Variants in SART1 observed in about 807,000 individuals in gnomAD.
SART1 encodes spliceosome associated factor 1, recruiter of U4/U6.U5 tri-snRNP.
In SART1, 28 loss-of-function variants were observed where a neutral mutation model predicts 105.0. That is an observed-to-expected ratio of 0.27 (90% CI 0.20 to 0.37). The LOEUF (loss-of-function observed/expected upper bound fraction) is 0.37. SART1 is among the 10% of genes least tolerant of loss of function. The probability of loss-of-function intolerance (pLI) is 1.00; values close to 1 mark genes in which losing one functional copy is unlikely to be tolerated. For missense variants in SART1, 894 were observed against 1,106.5 expected, an observed-to-expected ratio of 0.81 and a Z score of 2.72; for synonymous variants, 472 against 462.9, an observed-to-expected ratio of 1.02 and a Z score of -0.25.
rs145104842 is a variant in SART1, at chr11:65,978,592, G to A, written c.2173-8G>A. On this transcript the variant is annotated splice_region_variant and splice_polypyrimidine_tract_variant and intron_variant, in intron 17 of 19. Transcript: ENST00000312397. The surrounding 1 kb of genome is among the most constrained non-coding windows in gnomAD (Gnocchi z 6.8). ...CCCTGCATCTCCTCTCATGCCCCGC[G>A]TCCCCAGGCTTTCCGGCAGCTGTCG... 2,107 of 1,555,894 alleles carry A rather than the reference G, an allele frequency of 1.4e-3. 1 individual carries two copies. Among genetic ancestry groups the A allele is most frequent in the Non-Finnish European group, 1.6e-3 (1,868 of 1,149,654 alleles).
intron 3 of SART1, 175 bp from the exon 4 acceptor site, chr11:65,964,917 T>C: frequency 1.3e-6 from 1 of 794,870 alleles, no homozygotes; most frequent in South Asian, 2.2e-5. Context: ...CCTGTTGTGC[T>C]GCATGGGTTG....
At position 65,967,701 on chromosome 11, in the gene SART1, G is replaced by A. The variant is rs763641883; in HGVS notation, c.1452G>A (p.Pro484=). Residue 484 remains proline (P), a synonymous_variant, in exon 12 of 20, where the codon CCG becomes CCA. Transcript: ENST00000312397. ...SDEEEGGAPP[P]GSPQVLEEDE... Reference sequence around the variant, plus strand: ...CAGAGGAAGGTGGAGCTCCACCGCCGGGGTCCCCGCAGGTGCTGGAGGAGG... The same window carrying A: ...CAGAGGAAGGTGGAGCTCCACCGCCAGGGTCCCCGCAGGTGCTGGAGGAGG... 27 of 1,564,890 alleles carry A rather than the reference G, an allele frequency of 1.7e-5. No individual in the cohort carries two copies. Among genetic ancestry groups the A allele is most frequent in the African/African-American group, 6.7e-5 (5 of 74,168 alleles).
At chr11:65,977,972 C>T (rs539936191) in intron 17 of SART1, 73 bp downstream of exon 17, 191 of 1,495,436 alleles carry the variant, frequency 1.3e-4, no homozygotes, top group South Asian at 6.7e-4. Context: ...TGCAATGCCC[C>T]GGGCCATGCA....
chr11:65,966,788 C>A (rs1028331467), intron 9 of SART1, among the ~76,000 whole-genome samples: 2 of 152,172 alleles, frequency 1.3e-5, no homozygotes, highest in African/African-American at 2.4e-5. Context: ...CCAGCTCGTG[C>A]CTTGGATAAA....
chr11:65,965,616 T>G, intron 5 of SART1, 86 bp from the exon 6 acceptor site: 3 of 1,439,510 alleles, frequency 2.1e-6, no homozygotes, highest in South Asian at 1.2e-5. Flanking sequence ...GCCTGCCCTT[T>G]TTGCACTCCG....
chr11:65,966,696 CA>C (rs1264966560), intron 9 of SART1, 140 bp downstream of exon 9: 1 of 974,144 alleles, frequency 1.0e-6, no homozygotes, highest in Non-Finnish European at 1.5e-6. Context: ...CACTAAATGG[CA>C]ACCGGGGGAG....
At chr11:65,972,907 C>G (rs1179396406) in intron 12 of SART1, among the ~76,000 whole-genome samples, 1 of 152,112 alleles carries the variant, frequency 6.6e-6, no homozygotes, top group Non-Finnish European at 1.5e-5. Flanking sequence ...CGCGATGGCT[C>G]ACGCCTGTAA....
chr11:65,962,530 G>A (rs1323646334), intron 1 of SART1, among the ~76,000 whole-genome samples: 1 of 151,606 alleles, frequency 6.6e-6, no homozygotes, highest in Non-Finnish European at 1.5e-5. Context: ...CGTGTAGGGC[G>A]CATGGTAGAG....
In SART1 at chr11:65,961,800, A is replaced by G. The variant is rs939794101; in HGVS notation, c.20A>G (p.His7Arg). The G allele has an allele frequency of 1.9e-5, 29 of 1,552,266 alleles. No homozygotes were observed. The highest frequency in any genetic ancestry group is 2.4e-5 in the Non-Finnish European group (28 of 1,156,258). The change falls in exon 1 of 20, where the codon CAT (histidine) becomes CGT (arginine). Residue 7 changes from histidine to arginine, a missense_variant. His to Arg is a conservative substitution (Grantham distance 29, BLOSUM62 0). This residue lies in a region of SART1 where 712 missense variants were observed against 778.2 expected (regional missense o/e 0.91). Transcript: ENST00000312397. Reference sequence around the variant, plus strand: ...GCCACTATGGGGTCGTCCAAGAAGCATCGCGGAGAGAAGGAGGCGGCCGGG... The same window carrying G: ...GCCACTATGGGGTCGTCCAAGAAGCGTCGCGGAGAGAAGGAGGCGGCCGGG... MGSSKK[H>R]RGEKEAAGTT...
intron 5 of SART1, 106 bp downstream of exon 5, chr11:65,965,553 A>C: frequency 7.4e-7 from 1 of 1,356,056 alleles, no homozygotes; most frequent in Non-Finnish European, 1.0e-6. Flanking sequence ...TGGAGAAGGG[A>C]AGGGCCGTGG....
rs987194637 is a variant in SART1 at position 65,979,671 on chromosome 11, C to T, written c.*641C>T. 4 of 152,292 alleles carry T rather than the reference C, an allele frequency of 2.6e-5. No individual in the cohort carries two copies. The highest frequency in any genetic ancestry group is 2.6e-4 in the Admixed American group (4 of 15,268). 9.4% of individuals were successfully genotyped at this position (152,292 alleles called of 1,614,324 possible). ...GAGCTGCTGGGGGACATGTGAGCCT[C>T]AAATCCATAGAAAGACAAACGGCCA... On this transcript the variant is annotated 3_prime_UTR_variant, in exon 20 of 20. Coordinates refer to ENST00000312397, the MANE Select transcript of SART1 (RefSeq NM_005146.5).
chr11:65,968,544 G>GC (rs1855308715), intron 12 of SART1, among the ~76,000 whole-genome samples: 1 of 152,168 alleles, frequency 6.6e-6, no homozygotes, highest in East Asian at 1.9e-4. Context: ...AAGATAACGT[G>GC]CCGGGGGTTG....
chr11:65,966,176 C>T lies in SART1; in HGVS notation c.939C>T (p.Tyr313=), dbSNP rs1188910515. Reference sequence around the variant, plus strand: ...AGCTGCGGAAGAAGAAGCCTGACTACCTGCCCTATGCCGAGGACGAGAGCG... The same window carrying T: ...AGCTGCGGAAGAAGAAGCCTGACTATCTGCCCTATGCCGAGGACGAGAGCG... ...NVELRKKKPD[Y]LPYAEDESVD... The change falls in exon 8 of 20, where the codon TAC becomes TAT. Residue 313 remains tyrosine (Y), a synonymous_variant. Transcript: ENST00000312397. 6.2e-7 allele frequency: 1 copy of T among 1,614,030 alleles called. No homozygotes were observed.
rs367740935 is a variant in SART1, at chr11:65,964,060, T to G, written c.314-14T>G. ...CTGTGTTCAGCTCCTGAGCCATGCT[T>G]CTTCTTGTTCCAGCTGCCAGCTCCA... On this transcript the variant is annotated splice_polypyrimidine_tract_variant and intron_variant, in intron 1 of 19. Transcript: ENST00000312397. 3.2e-5 allele frequency: 52 copies of G among 1,610,054 alleles called. No individual in the cohort carries two copies. Among genetic ancestry groups the G allele is most frequent in the East Asian group, 6.7e-5 (3 of 44,878 alleles).
chr11:65,961,938 G>A lies in SART1; in HGVS notation c.158G>A (p.Arg53Gln). 1 of 1,528,794 alleles carries A rather than the reference G, an allele frequency of 6.5e-7. No homozygotes were observed. Among genetic ancestry groups the A allele is most frequent in the Non-Finnish European group, 8.8e-7 (1 of 1,138,154 alleles). The allele number at this position is 1,528,794 out of a possible 1,614,324, so 94.7% of individuals were successfully genotyped here. Residue 53 changes from arginine to glutamine, a missense_variant, in exon 1 of 20, where the codon CGG (arginine) becomes CAG (glutamine). Arg to Gln is a conservative substitution (Grantham distance 43, BLOSUM62 1). This residue lies in a region of SART1 where 712 missense variants were observed against 778.2 expected (regional missense o/e 0.91). Transcript: ENST00000312397. ...AGTGGCGGTAGCGGTGGCGAACGAC[G>A]GAAGCGGAGCCGGGAACGTGGGGGC... is the stretch of plus-strand genomic sequence containing the variant. ...GGSGGSGGERRKRSRERGGER... is the reference protein window; with the variant it reads ...GGSGGSGGERQKRSRERGGER...
chr11:65,978,303 C>T lies in SART1; in HGVS notation c.2173-297C>T, dbSNP rs1044728644. Among the ~76,000 whole-genome samples, 15 of 151,410 alleles carry T rather than the reference C, an allele frequency of 9.9e-5. No individual in the cohort carries two copies. The highest frequency in any genetic ancestry group is 3.4e-4 in the African/African-American group (14 of 41,374). On this transcript the variant is annotated intron_variant, in intron 17 of 19. Transcript: ENST00000312397. This position sits in a 1 kb window ranked among gnomAD's most constrained non-coding sequence, Gnocchi z 6.8. ...CCCCTTGCTCTCTGGGGTTTGTCTCCCTGCAGCCCCAGCCCCAGCCCCAGC... is the reference window on the plus strand; with the variant it reads ...CCCCTTGCTCTCTGGGGTTTGTCTCTCTGCAGCCCCAGCCCCAGCCCCAGC...
intron 12 of SART1, among the ~76,000 whole-genome samples, chr11:65,973,643 C>T (rs1417843327): frequency 1.3e-5 from 2 of 152,190 alleles, no homozygotes; most frequent in African/African-American, 2.4e-5. Context: ...ACACCTCTCC[C>T]GAGTGTGCCC....
intron 12 of SART1, among the ~76,000 whole-genome samples, chr11:65,975,099 G>C (rs1855455965): frequency 6.9e-6 from 1 of 145,212 alleles, no homozygotes; most frequent in Admixed American, 6.8e-5. Flanking sequence ...TGTCCTGGAA[G>C]ACTTTTTTTT....
In SART1 at chr11:65,978,235, C is replaced by G; in HGVS notation, c.2172+336C>G. The stretch of plus-strand genomic sequence containing the variant: ...TTCCAGCGTCCAGGCCCTTCCAGCA[C>G]TCTCGTAGGCCGCCCGACCGTCCTG... On this transcript the variant is annotated intron_variant, in intron 17 of 19. Coordinates refer to ENST00000312397, the MANE Select transcript of SART1 (RefSeq NM_005146.5). The surrounding 1 kb of genome is among the most constrained non-coding windows in gnomAD (Gnocchi z 6.8). 1 of 493,046 alleles carries G rather than the reference C, an allele frequency of 2.0e-6. No individual in the cohort carries two copies. Among genetic ancestry groups the G allele is most frequent in the South Asian group, 2.2e-5 (1 of 45,208 alleles). 30.5% of individuals were successfully genotyped at this position (493,046 alleles called of 1,614,324 possible).
Sources: gnomAD v4.1 joint callset for allele counts (sites outside exome capture counted in the v4.1 genomes callset) on GRCh38, gnomAD v4.1.1 for gene constraint, gnomAD v4.1.1 regional missense constraint, Gnocchi (gnomAD v3.1) non-coding constraint, MANE v1.5 for transcripts, NCBI Gene and HGNC (gene_info 2026-07-23, HGNC 2026-07-21) for gene names.